Variants in CPNE4 observed in about 807,000 individuals in gnomAD.
CPNE4 encodes copine-4.
A neutral mutation model predicts 67.9 loss-of-function variants in CPNE4; 25 were observed. That is an observed-to-expected ratio of 0.37 (90% confidence interval 0.27 to 0.51). The LOEUF (loss-of-function observed/expected upper bound fraction) is 0.51, where lower values mean the gene tolerates loss of function less well. Ranked by LOEUF, CPNE4 falls within the 20% of genes least tolerant of loss-of-function variation. CPNE4 has a pLI of 0.93. For synonymous variants in CPNE4, 242 were observed against 244.9 expected (o/e 0.99, Z 0.11); for missense variants, 464 against 690.8 (o/e 0.67, Z 3.68).
At position 132,000,245 on chromosome 3, in the gene CPNE4, T is replaced by C. The variant is rs533182393; in HGVS notation, c.-2+34322A>G. ...ATAATGCTGAATGGGCCCAGAAAGA[T>C]AGACAAATTTGGATTCAGCTATAGA... On this transcript the variant is annotated intron_variant, in intron 1 of 15. Transcript: ENST00000429747. Among the ~76,000 whole-genome samples, 175 of 152,082 alleles carry C rather than the reference T, an allele frequency of 1.2e-3. 1 individual carries two copies. Among genetic ancestry groups the C allele is most frequent in the African/African-American group, 3.9e-3 (160 of 41,536 alleles).
At chr3:131,666,950 T>C (rs1486804914) in intron 7 of CPNE4, among the ~76,000 whole-genome samples, 1 of 152,230 alleles carries the variant, frequency 6.6e-6, no homozygotes, top group African/African-American at 2.4e-5. Context: ...ACATAAACAA[T>C]GGCAGAATAT....
At chr3:131,839,672 T>C (rs2085697488) in intron 2 of CPNE4, among the ~76,000 whole-genome samples, 1 of 152,124 alleles carries the variant, frequency 6.6e-6, no homozygotes, top group African/African-American at 2.4e-5. Context: ...TTGTACTTTA[T>C]ATTTTTGTCA....
intron 3 of CPNE4, among the ~76,000 whole-genome samples, chr3:131,702,582 A>G (rs2081327933): frequency 6.6e-6 from 1 of 152,198 alleles, no homozygotes. Context: ...CGCATTGGTC[A>G]CCTACTCCCC....
chr3:131,851,304 T>A (rs1336864772), intron 2 of CPNE4, among the ~76,000 whole-genome samples: 1 of 152,086 alleles, frequency 6.6e-6, no homozygotes, highest in East Asian at 1.9e-4. Context: ...TTAATATTTT[T>A]AATCTCTCCT....
chr3:131,621,751 A>C (rs1210469210), intron 7 of CPNE4, among the ~76,000 whole-genome samples: 1 of 152,112 alleles, frequency 6.6e-6, no homozygotes, highest in Non-Finnish European at 1.5e-5. Flanking sequence ...TCACACCTGT[A>C]ATCTCAGCAC....
intron 2 of CPNE4, among the ~76,000 whole-genome samples, chr3:131,868,429 C>T (rs536509995): frequency 1.5e-4 from 23 of 152,098 alleles, no homozygotes; most frequent in African/African-American, 4.3e-4. Context: ...TAGAACTGCA[C>T]GTGGAGAATG....
chr3:131,997,323 C>T (rs1257140755), intron 1 of CPNE4, among the ~76,000 whole-genome samples: 2 of 152,162 alleles, frequency 1.3e-5, no homozygotes, highest in African/African-American at 4.8e-5. Context: ...CTCCTCCCCA[C>T]TGTAGAGACT....
intron 1 of CPNE4, among the ~76,000 whole-genome samples, chr3:132,024,525 C>T (rs1333015237): frequency 6.6e-6 from 1 of 152,154 alleles, no homozygotes; most frequent in Non-Finnish European, 1.5e-5. Flanking sequence ...CTCCCACTTG[C>T]TGTGTAATCA....
At chr3:131,799,399 A>G (rs1332948044) in intron 2 of CPNE4, among the ~76,000 whole-genome samples, 1 of 152,060 alleles carries the variant, frequency 6.6e-6, no homozygotes. Context: ...GCAAGAGTGT[A>G]TTTCATTTCA....
At chr3:131,959,403 G>A (rs2107916021) in intron 1 of CPNE4, among the ~76,000 whole-genome samples, 1 of 152,254 alleles carries the variant, frequency 6.6e-6, no homozygotes, top group Non-Finnish European at 1.5e-5. Context: ...AATAAAATGA[G>A]ATAAATACAA....
upstream of CPNE4, chr3:132,037,489 A>T: frequency 8.4e-7 from 1 of 1,197,492 alleles, no homozygotes; most frequent in South Asian, 1.3e-5. Flanking sequence ...CCCCCACAGC[A>T]AGTTGCCCGC....
intron 15 of CPNE4, among the ~76,000 whole-genome samples, chr3:131,536,595 G>A (rs1302683353): frequency 6.6e-6 from 1 of 152,158 alleles, no homozygotes; most frequent in East Asian, 1.9e-4. Context: ...TGTTCTTAGA[G>A]GCAAAAGAGA....
chr3:131,739,098 G>A (rs746287103), intron 2 of CPNE4, among the ~76,000 whole-genome samples: 32 of 152,110 alleles, frequency 2.1e-4, no homozygotes, highest in Non-Finnish European at 3.8e-4. Flanking sequence ...TTTATACTTC[G>A]AAGTCATGGA....
At chr3:132,016,876 C>T (rs899318094) in intron 1 of CPNE4, among the ~76,000 whole-genome samples, 1 of 152,170 alleles carries the variant, frequency 6.6e-6, no homozygotes, top group African/African-American at 2.4e-5. Flanking sequence ...ACACTATTAT[C>T]GCCTTTTCAC....
At chr3:131,650,476 G>GTATAATAGTAAAT (rs1560047142) in intron 7 of CPNE4, among the ~76,000 whole-genome samples, 6 of 142,586 alleles carry the variant, frequency 4.2e-5, no homozygotes, top group African/African-American at 1.8e-4. Flanking sequence ...CTATTATTGC[G>GTATAATAGTAAAT]GCCGGGCGCG....
chr3:132,000,163 A>C (rs1396696033), intron 1 of CPNE4, among the ~76,000 whole-genome samples: 1 of 152,030 alleles, frequency 6.6e-6, no homozygotes, highest in Non-Finnish European at 1.5e-5. Context: ...GATAGGATAG[A>C]TAAAAAGATA....
At position 131,978,550 on chromosome 3, in the gene CPNE4, AT is replaced by A. The variant is rs1287546966; in HGVS notation, c.-2+56016del. Among the ~76,000 whole-genome samples the A allele has an allele frequency of 3.4e-3, 312 of 91,264 alleles. 10 individuals are homozygous for A. The highest frequency in any genetic ancestry group is 0.012 in the African/African-American group (297 of 24,790). 59.9% of individuals were successfully genotyped at this position (91,264 alleles called of 152,430 possible). A position where few individuals can be genotyped will look rare whatever the true frequency, so the allele number is the denominator to read the frequency against. On this transcript the variant is annotated intron_variant, in intron 1 of 15. Coordinates refer to ENST00000429747, the MANE Select transcript of CPNE4 (RefSeq NM_130808.3). The stretch of plus-strand genomic sequence containing the variant: ...AATATAAATATATATAAATATATAT[AT>A]ATATATATGCCACAGTTTCTTTATC...
intron 1 of CPNE4, among the ~76,000 whole-genome samples, chr3:131,955,877 A>G (rs1451940518): frequency 6.6e-6 from 1 of 152,060 alleles, no homozygotes; most frequent in Non-Finnish European, 1.5e-5. Flanking sequence ...TACCCCTCGA[A>G]GTGTCAACAT....
At chr3:131,934,564 G>T (rs576259624) in intron 1 of CPNE4, among the ~76,000 whole-genome samples, 24 of 152,084 alleles carry the variant, frequency 1.6e-4, no homozygotes, top group African/African-American at 5.5e-4. Context: ...CACTCCTGTA[G>T]CCCCCCACCC....
Sources: gnomAD v4.1 joint callset for allele counts (sites outside exome capture counted in the v4.1 genomes callset) on GRCh38, gnomAD v4.1.1 for gene constraint, MANE v1.5 for transcripts, NCBI Gene and HGNC (gene_info 2026-07-23, HGNC 2026-07-21) for gene names.